The following TBC1D31 variants were observed in gnomAD, a reference collection of about 807,000 sequenced individuals.
TBC1D31 encodes the protein WD repeat domain 67.
In TBC1D31, 99 loss-of-function variants were observed where a neutral mutation model predicts 132.9. The ratio of observed to expected loss-of-function variants is 0.74; its 90% CI spans 0.63 to 0.88. The LOEUF (loss-of-function observed/expected upper bound fraction) is 0.88, where lower values mean the gene tolerates loss of function less well. Among genes scored for constraint, TBC1D31 ranks in the 40% least tolerant of loss-of-function variants. The pLI is 0.00. For missense variants in TBC1D31, 1,134 were observed against 1,256.6 expected (o/e 0.90, Z 1.48); for synonymous variants, 385 against 419.4 (o/e 0.92, Z 1.00).
In TBC1D31 at chr8:123,077,193, G is replaced by A. The variant is rs1474346079; in HGVS notation, c.160G>A (p.Gly54Ser). Residue 54 changes from glycine to serine, a missense_variant, in exon 2 of 22, where the codon GGC becomes AGC. By Grantham distance (56) the Gly-to-Ser change is moderately conservative. Transcript: ENST00000287380. ...TTTGAATGTGGCTTTTGATGGCACA[G>A]GCGACTGCTTAATTGCTGGGGACCA... ...RFLNVAFDGT[G>S]DCLIAGDHQG... is the part of the protein sequence containing the mutation. 7 of 1,613,160 alleles carry A rather than the reference G, an allele frequency of 4.3e-6. No individual in the cohort carries two copies. In the Middle Eastern group the frequency reaches 5.0e-4, roughly 114 times the overall value.
At chr8:123,112,021 A>G (rs149899775) in intron 10 of TBC1D31, among the ~76,000 whole-genome samples, 6 of 152,028 alleles carry the variant, frequency 3.9e-5, no homozygotes, top group Non-Finnish European at 2.9e-5. Context: ...TGGCTAGTTT[A>G]TTTATTTATT....
chr8:123,144,942 G>A, intron 20 of TBC1D31, 87 bp downstream of exon 20: 1 of 1,045,250 alleles, frequency 9.6e-7, no homozygotes, highest in South Asian at 1.7e-5. Context: ...TTTTTTTTTT[G>A]AGATAGGGTC....
At chr8:123,134,894 A>C (rs1466376559) in intron 17 of TBC1D31, among the ~76,000 whole-genome samples, 1 of 151,682 alleles carries the variant, frequency 6.6e-6, no homozygotes, top group Non-Finnish European at 1.5e-5. Context: ...TTCTTTCTTT[A>C]TTTGTATTTT....
In TBC1D31 at chr8:123,126,156, G is replaced by A. The variant is rs1468677404; in HGVS notation, c.1671G>A (p.Leu557=). 6.2e-7 allele frequency: 1 copy of A among 1,612,394 alleles called. No homozygotes were observed. Among genetic ancestry groups the A allele is most frequent in the Admixed American group, 1.7e-5 (1 of 59,804 alleles). The change falls in exon 12 of 22, where the codon CTG becomes CTA. Residue 557 remains leucine, a synonymous_variant. Transcript: ENST00000287380. ...NVLAFHDKEL[L]QHFIDHDITS... is the part of the protein sequence containing the mutation. Reference sequence around the variant, plus strand: ...TGGCATTTCATGACAAGGAACTGCTGCAACACTTCATAGATCATGATATAA... The same window carrying A: ...TGGCATTTCATGACAAGGAACTGCTACAACACTTCATAGATCATGATATAA...
chr8:123,099,710 A>C (rs557936052), intron 6 of TBC1D31, among the ~76,000 whole-genome samples: 2 of 152,304 alleles, frequency 1.3e-5, no homozygotes, highest in South Asian at 4.2e-4. Context: ...GTGTGGAGGC[A>C]AAAGTTGGGA....
rs1351162170 is a variant in TBC1D31 at position 123,128,504 on chromosome 8, TAAGAG to T, written c.2110_2114del (p.Arg704GlufsTer5). On this transcript the variant is annotated frameshift_variant, in exon 14 of 22. Transcript: ENST00000287380. LOFTEE classifies it high-confidence loss of function. ...ATAAGGAATGATGAATTGGATTACTTAAGAGAGAGGTAATTATGGAATAGTTTTTC... is the reference window on the plus strand; with the variant it reads ...ATAAGGAATGATGAATTGGATTACTTAGAGGTAATTATGGAATAGTTTTTC... The T allele has an allele frequency of 6.3e-7, 1 of 1,590,372 alleles. No individual in the cohort carries two copies. Among genetic ancestry groups the T allele is most frequent in the Non-Finnish European group, 8.6e-7 (1 of 1,158,824 alleles).
At chr8:123,077,823 C>T (rs1196800268) in intron 2 of TBC1D31, among the ~76,000 whole-genome samples, 1 of 152,028 alleles carries the variant, frequency 6.6e-6, no homozygotes, top group Non-Finnish European at 1.5e-5. Flanking sequence ...CCAAGGCGGG[C>T]GGATCGCTTG....
chr8:123,072,929 C>T (rs1586520895), intron 1 of TBC1D31, 83 bp downstream of exon 1: 19 of 1,387,564 alleles, frequency 1.4e-5, no homozygotes, highest in Non-Finnish European at 1.9e-5. Context: ...GGCAGCGTTC[C>T]GGGTTCTGGC....
chr8:123,124,352 A>C (rs1755332202), intron 11 of TBC1D31, among the ~76,000 whole-genome samples: 1 of 152,212 alleles, frequency 6.6e-6, no homozygotes, highest in Non-Finnish European at 1.5e-5. Flanking sequence ...GACTCTCCAC[A>C]CAATTATCAT....
intron 6 of TBC1D31, among the ~76,000 whole-genome samples, chr8:123,100,092 C>T (rs867076654): frequency 3.3e-5 from 5 of 152,098 alleles, no homozygotes; most frequent in African/African-American, 7.2e-5. Flanking sequence ...GTTGGAGAGA[C>T]GCATTCAAAT....
chr8:123,157,285 C>T, the TBC1D31 span, among the ~76,000 whole-genome samples: 1 of 152,222 alleles, frequency 6.6e-6, no homozygotes, highest in African/African-American at 2.4e-5. Flanking sequence ...GACGCGCTAC[C>T]TACTGCGCTA....
intron 17 of TBC1D31, among the ~76,000 whole-genome samples, chr8:123,135,712 C>T (rs1586715104): frequency 6.6e-6 from 1 of 152,324 alleles, no homozygotes; most frequent in South Asian, 2.1e-4. Flanking sequence ...TCCATTTACA[C>T]CTATAACACT....
Position 123,082,942 on chromosome 8 carries a change from G to A in TBC1D31, c.340+125G>A, listed in dbSNP as rs914506534. 39 of 633,000 alleles carry A rather than the reference G, an allele frequency of 6.2e-5. No individual in the cohort carries two copies. The African/African-American group carries it at 7.0e-4, about 11-fold the overall frequency. 39.2% of individuals were successfully genotyped at this position (633,000 alleles called of 1,614,324 possible). Reference sequence around the variant, plus strand: ...ATGACAGCCCTCCCTTCAGACACTAGGTGCAAGCTGAGGGTCCTAGAAACA... The same window carrying A: ...ATGACAGCCCTCCCTTCAGACACTAAGTGCAAGCTGAGGGTCCTAGAAACA... On this transcript the variant is annotated intron_variant, in intron 3 of 21. Coordinates refer to ENST00000287380, the MANE Select transcript of TBC1D31 (RefSeq NM_145647.4).
intron 11 of TBC1D31, among the ~76,000 whole-genome samples, chr8:123,120,876 T>A (rs1819408990): frequency 6.6e-6 from 1 of 152,042 alleles, no homozygotes; most frequent in African/African-American, 2.4e-5. Flanking sequence ...TTAAATTTCA[T>A]AAACATTTTT....
At chr8:123,113,644 T>C (rs1818648290) in intron 10 of TBC1D31, among the ~76,000 whole-genome samples, 1 of 152,194 alleles carries the variant, frequency 6.6e-6, no homozygotes, top group African/African-American at 2.4e-5. Context: ...TTTATATACT[T>C]ATATGCCTAC....
At chr8:123,129,990 C>T (rs1447631040) in intron 15 of TBC1D31, among the ~76,000 whole-genome samples, 3 of 152,168 alleles carry the variant, frequency 2.0e-5, no homozygotes, top group African/African-American at 7.2e-5. Flanking sequence ...AAAGGAATTA[C>T]TGAACTGAGC....
At chr8:123,153,811 A>T (rs1226795681), downstream of TBC1D31, among the ~76,000 whole-genome samples, 1 of 152,240 alleles carries the variant, frequency 6.6e-6, no homozygotes, top group African/African-American at 2.4e-5. Context: ...TGAGTTTGTT[A>T]AAGAAGAGCG....
At chr8:123,163,625 C>T in the TBC1D31 span, among the ~76,000 whole-genome samples, 1 of 152,104 alleles carries the variant, frequency 6.6e-6, no homozygotes, top group Admixed American at 6.6e-5. Context: ...CTCAGCCTCC[C>T]AAAGTGCTGG....
intron 5 of TBC1D31, among the ~76,000 whole-genome samples, chr8:123,094,689 G>A (rs1181994214): frequency 6.6e-6 from 1 of 151,904 alleles, no homozygotes; most frequent in East Asian, 1.9e-4. Context: ...ACAGGTGCCT[G>A]CCACCACACC....
Sources: allele counts gnomAD v4.1 joint callset (sites outside exome capture counted in the v4.1 genomes callset), GRCh38; gene constraint gnomAD v4.1.1; transcripts MANE v1.5; gene names NCBI Gene and HGNC (gene_info 2026-07-23, HGNC 2026-07-21).